The following ZFAT variants were observed in gnomAD, a reference collection of about 807,000 sequenced individuals.
ZFAT encodes zinc finger protein ZFAT.
Under a neutral mutation model 117.7 loss-of-function variants are expected in ZFAT, and 64 were observed. The ratio of observed to expected loss-of-function variants is 0.54; its 90% CI spans 0.44 to 0.67. The LOEUF is 0.67. ZFAT is among the 30% of genes least tolerant of loss of function. The pLI is 0.00. For missense variants in ZFAT, 1,433 were observed against 1,584.5 expected (o/e 0.90, Z 1.62); for synonymous variants, 679 against 615.0 (o/e 1.10, Z -1.54).
At chr8:134,805,034 T>C in the ZFAT span, 1 of 406,846 alleles carries the variant, frequency 2.5e-6, no homozygotes, top group South Asian at 1.9e-5. Context: ...TAATTTCTAG[T>C]GCTGAACAAT....
chr8:134,478,613 C>G lies in ZFAT; in HGVS notation c.3601G>C (p.Asp1201His). ...EQHHLVVSSDDVEGIETVTVY... is the reference protein window; with the variant it reads ...EQHHLVVSSDHVEGIETVTVY... ...GTCACCGTCTCAATGCCCTCCACGT[C>G]GTCGGAGGACACCACCAGGTGGTGC... The change falls in exon 16 of 16, where the codon GAC becomes CAC. Residue 1201 changes from aspartate (D) to histidine (H), a missense_variant. Around this residue, in one of 5 missense-constraint regions of ZFAT, gnomAD observed 503 missense variants for 543.4 expected, o/e 0.93. Transcript: ENST00000377838. The surrounding 1 kb of genome is among the most constrained non-coding windows in gnomAD (Gnocchi z 5.2). The G allele has an allele frequency of 6.3e-7, 1 of 1,587,258 alleles. No individual in the cohort carries two copies. The highest frequency in any genetic ancestry group is 8.6e-7 in the Non-Finnish European group (1 of 1,167,208).
chr8:134,618,531 C>T (rs1828896659), intron 3 of ZFAT, among the ~76,000 whole-genome samples: 1 of 152,144 alleles, frequency 6.6e-6, no homozygotes, highest in Admixed American at 6.5e-5. Flanking sequence ...GTTTCTGTGC[C>T]TGCTTGCTGG....
At chr8:134,688,092 C>T (rs561548326) in intron 1 of ZFAT, among the ~76,000 whole-genome samples, 46 of 151,506 alleles carry the variant, frequency 3.0e-4, no homozygotes, top group African/African-American at 1.1e-3. Context: ...GATTGATGGG[C>T]GGTGGGGGGG....
chr8:134,601,661 A>C lies in ZFAT; in HGVS notation c.2058T>G (p.Pro686=), dbSNP rs774302670. Reference sequence around the variant, plus strand: ...TGGTGTCCCCACCACCAGCTACTGGAGGGAGGAGGTCTGAGGCCTCAGCTG... The same window carrying C: ...TGGTGTCCCCACCACCAGCTACTGGCGGGAGGAGGTCTGAGGCCTCAGCTG... ...SNPAEASDLL[P]PVAGGGDTIT... is the part of the protein sequence containing the mutation. Residue 686 remains proline (P), a synonymous_variant, in exon 6 of 16, where the codon CCT becomes CCG. Coordinates refer to ENST00000377838, the MANE Select transcript of ZFAT (RefSeq NM_020863.4). The C allele has an allele frequency of 3.7e-5, 60 of 1,614,078 alleles. No individual in the cohort carries two copies. The highest frequency in any genetic ancestry group is 4.4e-5 in the Non-Finnish European group (52 of 1,179,996).
chr8:134,621,821 T>C (rs1397119051), intron 3 of ZFAT, among the ~76,000 whole-genome samples: 2 of 152,190 alleles, frequency 1.3e-5, no homozygotes, highest in African/African-American at 4.8e-5. Flanking sequence ...TTAAAACTAC[T>C]GAATTAAGAG....
chr8:134,671,489 A>C (rs1460687815), intron 1 of ZFAT, among the ~76,000 whole-genome samples: 4 of 152,174 alleles, frequency 2.6e-5, no homozygotes, highest in African/African-American at 4.8e-5. Context: ...ATAAACAGAA[A>C]CAAAGACAAA....
At chr8:134,773,757 A>G in the ZFAT span, among the ~76,000 whole-genome samples, 1 of 152,198 alleles carries the variant, frequency 6.6e-6, no homozygotes, top group Non-Finnish European at 1.5e-5. Context: ...TGGTGGGAAG[A>G]GCAAGAGAAC....
At chr8:134,636,583 A>G (rs1830224133) in intron 3 of ZFAT, among the ~76,000 whole-genome samples, 1 of 152,202 alleles carries the variant, frequency 6.6e-6, no homozygotes, top group Non-Finnish European at 1.5e-5. Flanking sequence ...CCCAGAGCCT[A>G]TGTTCTTAAT....
chr8:134,827,599 C>A, the ZFAT span, among the ~76,000 whole-genome samples: 367 of 151,992 alleles, frequency 2.4e-3, 1 homozygote, highest in African/African-American at 8.4e-3. Context: ...GAAATCCCGT[C>A]TCTACTGAAA....
At chr8:134,755,167 G>T in the ZFAT span, among the ~76,000 whole-genome samples, 2 of 151,710 alleles carry the variant, frequency 1.3e-5, no homozygotes, top group Non-Finnish European at 2.9e-5. Flanking sequence ...ACTTTGGGAG[G>T]CCGAGGCAGG....
intron 11 of ZFAT, among the ~76,000 whole-genome samples, chr8:134,555,315 T>C (rs192304952): frequency 6.6e-6 from 1 of 152,302 alleles, no homozygotes; most frequent in Admixed American, 6.5e-5. Flanking sequence ...TGTACCAAAA[T>C]TCCATACTCC....
chr8:134,713,813 CTAAAG>C (rs1814138438), upstream of ZFAT, among the ~76,000 whole-genome samples: 1 of 152,060 alleles, frequency 6.6e-6, no homozygotes, highest in Non-Finnish European at 1.5e-5. Context: ...CGAAACCCAT[CTAAAG>C]TAACCCTCCA....
chr8:134,478,881 T>C lies in ZFAT; in HGVS notation c.3493-160A>G, dbSNP rs1042228611. Among the ~76,000 whole-genome samples the C allele has an allele frequency of 5.9e-5, 9 of 152,292 alleles. No homozygotes were observed. The highest frequency in any genetic ancestry group is 1.9e-4 in the African/African-American group (8 of 41,572). The stretch of plus-strand genomic sequence containing the variant: ...CAGGCTGTGCTTGCTCTCATGCCCA[T>C]TTTACAGCTGAACAGAATGAGGTTC... On this transcript the variant is annotated intron_variant, in intron 15 of 15. Transcript: ENST00000377838. This position sits in a 1 kb window ranked among gnomAD's most constrained non-coding sequence, Gnocchi z 5.2.
chr8:134,803,009 G>A, the ZFAT span, among the ~76,000 whole-genome samples: 1 of 152,176 alleles, frequency 6.6e-6, no homozygotes, highest in African/African-American at 2.4e-5. Context: ...AGGGCATCCA[G>A]AATTAAAACT....
intron 2 of ZFAT, among the ~76,000 whole-genome samples, chr8:134,646,157 C>A (rs1439528726): frequency 6.6e-6 from 1 of 152,000 alleles, no homozygotes; most frequent in Non-Finnish European, 1.5e-5. Context: ...TGCAGTGAGC[C>A]GAGATCACGC....
intron 10 of ZFAT, among the ~76,000 whole-genome samples, chr8:134,580,180 C>T (rs1047606114): frequency 2.0e-5 from 3 of 152,092 alleles, no homozygotes; most frequent in African/African-American, 7.2e-5. Context: ...AAGTGAGGTT[C>T]AGAGAAGTAA....
the ZFAT span, among the ~76,000 whole-genome samples, chr8:134,814,036 C>G: frequency 3.3e-5 from 5 of 152,068 alleles, no homozygotes; most frequent in Admixed American, 2.6e-4. Flanking sequence ...ATAAAACACA[C>G]GTGCCCAAAG....
At chr8:134,819,667 T>A in the ZFAT span, among the ~76,000 whole-genome samples, 10,567 of 152,172 alleles carry the variant, frequency 0.069, 481 homozygotes, top group African/African-American at 0.13. Context: ...GCTCTTCAGA[T>A]CCTTGTTCTA....
At chr8:134,812,507 A>C in the ZFAT span, among the ~76,000 whole-genome samples, 1 of 152,092 alleles carries the variant, frequency 6.6e-6, no homozygotes, top group Non-Finnish European at 1.5e-5. Context: ...AAGGCGGGCA[A>C]ATCACTTGAG....
Sources: allele counts gnomAD v4.1 joint callset (sites outside exome capture counted in the v4.1 genomes callset), GRCh38; gene constraint gnomAD v4.1.1; regional missense constraint gnomAD v4.1.1; non-coding constraint Gnocchi (gnomAD v3.1); transcripts MANE v1.5; gene names NCBI Gene and HGNC (gene_info 2026-07-23, HGNC 2026-07-21).